DNAH11: variants seen among roughly 807,000 people sequenced by gnomAD.
The protein encoded by DNAH11 is dynein axonemal heavy chain 11.
Under a neutral mutation model 526.0 loss-of-function variants are expected in DNAH11, and 442 were observed. The ratio of observed to expected loss-of-function variants is 0.84; its 90% CI spans 0.78 to 0.91. The LOEUF is 0.91. DNAH11 is among the 40% of genes least tolerant of loss of function. The pLI is 0.00. For synonymous variants in DNAH11, 2,461 were observed against 1,935.9 expected, an observed-to-expected ratio of 1.27 and a Z score of -7.12; for missense variants, 6,989 against 5,448.7, an observed-to-expected ratio of 1.28 and a Z score of -8.90.
intron 2 of DNAH11, among the ~76,000 whole-genome samples, chr7:21,554,248 A>G (rs1783136358): frequency 6.9e-6 from 1 of 145,670 alleles, no homozygotes; most frequent in South Asian, 2.1e-4. Context: ...ATCTTGGCTC[A>G]CTGCAACCTC....
chr7:21,853,329 C>T (rs1289322500), intron 67 of DNAH11, among the ~76,000 whole-genome samples: 2 of 152,178 alleles, frequency 1.3e-5, no homozygotes, highest in Non-Finnish European at 2.9e-5. Context: ...AATTACCCAG[C>T]AGAAGCTGTG....
chr7:21,764,531 C>T (rs922216061), intron 54 of DNAH11, among the ~76,000 whole-genome samples: 4 of 152,116 alleles, frequency 2.6e-5, no homozygotes, highest in Non-Finnish European at 5.9e-5. Context: ...AGTGTCCTCA[C>T]GTACGCAGGG....
At chr7:21,846,638 C>T (rs142894836) in intron 66 of DNAH11, among the ~76,000 whole-genome samples, 40 of 152,144 alleles carry the variant, frequency 2.6e-4, no homozygotes, top group Middle Eastern at 3.4e-3. Flanking sequence ...CACAACTATG[C>T]TCATCAGAGA....
intron 28 of DNAH11, among the ~76,000 whole-genome samples, chr7:21,655,441 T>G (rs1781972388): frequency 6.6e-6 from 1 of 152,128 alleles, no homozygotes; most frequent in African/African-American, 2.4e-5. Context: ...TTTCAGACAT[T>G]TTAATAGCTT....
At chr7:21,727,038 A>T (rs567950590) in intron 45 of DNAH11, among the ~76,000 whole-genome samples, 1 of 125,546 alleles carries the variant, frequency 8.0e-6, no homozygotes, top group East Asian at 2.8e-4. Context: ...GGTTCAAGTG[A>T]CTCTCCTGCC....
At chr7:21,716,962 C>G (rs1327903218) in intron 42 of DNAH11, among the ~76,000 whole-genome samples, 2 of 152,030 alleles carry the variant, frequency 1.3e-5, no homozygotes, top group African/African-American at 4.8e-5. Context: ...CAAGGTGTAG[C>G]TGAAATTGAC....
chr7:21,863,069 A>G (rs1783128136), intron 69 of DNAH11, among the ~76,000 whole-genome samples: 2 of 145,712 alleles, frequency 1.4e-5, no homozygotes, highest in African/African-American at 5.1e-5. Context: ...GTCTCAAAAA[A>G]AAAAAAAAAA....
intron 66 of DNAH11, among the ~76,000 whole-genome samples, chr7:21,846,081 T>C (rs1782405664): frequency 6.6e-6 from 1 of 152,234 alleles, no homozygotes; most frequent in South Asian, 2.1e-4. Context: ...TATTAATCTG[T>C]ATCCTGCAAA....
intron 60 of DNAH11, among the ~76,000 whole-genome samples, chr7:21,788,344 C>A (rs1259613647): frequency 1.3e-5 from 2 of 152,102 alleles, no homozygotes; most frequent in African/African-American, 4.8e-5. Context: ...CTGTGGGGCC[C>A]ACAGGGATAG....
chr7:21,856,183 T>A (rs1054232356), intron 68 of DNAH11, among the ~76,000 whole-genome samples: 1 of 152,046 alleles, frequency 6.6e-6, no homozygotes, highest in African/African-American at 2.4e-5. Flanking sequence ...GTGTGTGGAA[T>A]TTGGGGATTA....
At chr7:21,544,814 A>C (rs2285950) in intron 1 of DNAH11, among the ~76,000 whole-genome samples, 192 bp from the exon 2 acceptor site, 1 of 152,036 alleles carries the variant, frequency 6.6e-6, no homozygotes, top group Non-Finnish European at 1.5e-5. Context: ...TGAAATTAGC[A>C]TTATAAAAGA....
Position 21,681,864 on chromosome 7 carries a change from A to C in DNAH11, c.5460+187A>C, listed in dbSNP as rs1386325366. The stretch of plus-strand genomic sequence containing the variant: ...CCAATATATTATTCTGATGAGACCT[A>C]TTCCAAGTGATATCCCAAAAGGTTT... On this transcript the variant is annotated intron_variant, in intron 31 of 81. Coordinates refer to ENST00000409508, the MANE Select transcript of DNAH11 (RefSeq NM_001277115.2). 3 of 750,958 alleles carry C rather than the reference A, an allele frequency of 4.0e-6. No homozygotes were observed. The East Asian group carries it at 8.0e-5, about 20-fold the overall frequency. The allele number at this position is 750,958 out of a possible 1,614,324, so 46.5% of individuals were successfully genotyped here. A position where few individuals can be genotyped will look rare whatever the true frequency, so the allele number is the denominator to read the frequency against.
intron 30 of DNAH11, among the ~76,000 whole-genome samples, chr7:21,676,390 C>A (rs1309386066): frequency 6.6e-6 from 1 of 152,142 alleles, no homozygotes; most frequent in East Asian, 1.9e-4. Context: ...ATGTCACAGA[C>A]CATAAACTTA....
chr7:21,561,236 C>G, intron 5 of DNAH11, 66 bp downstream of exon 5: 1 of 1,217,086 alleles, frequency 8.2e-7, no homozygotes, highest in Non-Finnish European at 1.2e-6. Flanking sequence ...CCCCTGCCTG[C>G]TCGGCCTTGA....
chr7:21,604,230 C>T (rs991740826), intron 18 of DNAH11, among the ~76,000 whole-genome samples: 4 of 152,112 alleles, frequency 2.6e-5, no homozygotes, highest in African/African-American at 7.2e-5. Flanking sequence ...GAGGACTCAC[C>T]ACCAGCAAGA....
At chr7:21,863,075 AAAAAG>A (rs1362771792) in intron 69 of DNAH11, among the ~76,000 whole-genome samples, 126 of 148,664 alleles carry the variant, frequency 8.5e-4, no homozygotes, top group African/African-American at 2.9e-3. Flanking sequence ...AAAAAAAAAA[AAAAAG>A]AAAAAGAAAA....
intron 69 of DNAH11, among the ~76,000 whole-genome samples, chr7:21,862,272 C>T (rs770771518): frequency 3.4e-4 from 51 of 151,906 alleles, no homozygotes; most frequent in Non-Finnish European, 5.7e-4. Flanking sequence ...GCTCCTACCA[C>T]AGCGGTCACC....
chr7:21,847,527 G>C (rs944644666), intron 66 of DNAH11, among the ~76,000 whole-genome samples: 1 of 152,094 alleles, frequency 6.6e-6, no homozygotes, highest in Admixed American at 6.5e-5. Context: ...ACGTAATTTT[G>C]TTGTGGTCTG....
At chr7:21,741,890 G>A in intron 48 of DNAH11, 37 bp from the exon 49 acceptor site, 1 of 1,605,912 alleles carries the variant, frequency 6.2e-7, no homozygotes, top group Non-Finnish European at 8.5e-7. Flanking sequence ...TGGTACAATT[G>A]TAATCCTTAC....
Sources: gnomAD v4.1 joint callset for allele counts (sites outside exome capture counted in the v4.1 genomes callset) on GRCh38, gnomAD v4.1.1 for gene constraint, MANE v1.5 for transcripts, NCBI Gene and HGNC (gene_info 2026-07-23, HGNC 2026-07-21) for gene names.